Variants in DDI2 observed in about 807,000 individuals in gnomAD.
The protein encoded by DDI2 is protein DDI1 homolog 2.
A neutral mutation model predicts 48.1 loss-of-function variants in DDI2; 5 were observed. The ratio of observed to expected loss-of-function variants is 0.10; its 90% CI spans 0.05 to 0.22. DDI2 has a LOEUF of 0.22. Among genes scored for constraint, DDI2 ranks in the 10% least tolerant of loss-of-function variants. The pLI, the probability that DDI2 is intolerant of heterozygous loss-of-function variation, is 1.00. For synonymous variants in DDI2, 205 were observed against 183.6 expected, an observed-to-expected ratio of 1.12 and a Z score of -0.94; for missense variants, 285 against 506.2, an observed-to-expected ratio of 0.56 and a Z score of 4.19.
At position 15,626,761 on chromosome 1, in the gene DDI2, G is replaced by A. The variant is rs147524577; in HGVS notation, c.231G>A (p.Lys77=). The A allele has an allele frequency of 3.7e-6, 6 of 1,614,192 alleles. No individual in the cohort carries two copies. Among genetic ancestry groups the A allele is most frequent in the Non-Finnish European group, 5.1e-6 (6 of 1,180,038 alleles). ...GGGACGTTGTGATTTTACGACAGAAGGAGAATGCAGACCCTCGACCTCCAG... is the reference window on the plus strand; with the variant it reads ...GGGACGTTGTGATTTTACGACAGAAAGAGAATGCAGACCCTCGACCTCCAG... ...KDGDVVILRQ[K]ENADPRPPVQ... The change falls in exon 2 of 10, where the codon AAG becomes AAA. Residue 77 remains lysine (K), a synonymous_variant. Coordinates refer to ENST00000480945, the MANE Select transcript of DDI2 (RefSeq NM_032341.5).
chr1:15,638,143 G>GGAAAT (rs1188207573), intron 4 of DDI2, among the ~76,000 whole-genome samples, 164 bp from the exon 5 acceptor site: 1 of 152,078 alleles, frequency 6.6e-6, no homozygotes, highest in Non-Finnish European at 1.5e-5. Flanking sequence ...CTGCCTCTTT[G>GGAAAT]GAAATGATCT....
rs1249240823 is a variant in DDI2 at position 15,668,972 on chromosome 1, A to G, written c.*9182A>G. On this transcript the variant is annotated 3_prime_UTR_variant, in exon 10 of 10. Coordinates refer to ENST00000480945, the MANE Select transcript of DDI2 (RefSeq NM_032341.5). ...CTTTATTTTATTTTTCTTTTTTTAA[A>G]TAGGAACTTTCTGAAGAAAAAGTGG... 1 of 152,206 alleles carries G rather than the reference A, an allele frequency of 6.6e-6. No homozygotes were observed. Among genetic ancestry groups the G allele is most frequent in the East Asian group, 1.9e-4 (1 of 5,202 alleles). The allele number at this position is 152,206 out of a possible 1,614,324, so 9.4% of individuals were successfully genotyped here.
chr1:15,619,306 A>G (rs1018825323), intron 1 of DDI2, among the ~76,000 whole-genome samples: 6 of 150,096 alleles, frequency 4.0e-5, no homozygotes, highest in Admixed American at 1.3e-4. Flanking sequence ...ATTTTTTTTT[A>G]GTAGAGACGG....
intron 6 of DDI2, among the ~76,000 whole-genome samples, chr1:15,644,718 T>C (rs1341561240): frequency 7.0e-6 from 1 of 142,010 alleles, no homozygotes; most frequent in Non-Finnish European, 1.5e-5. Flanking sequence ...CTCAGCCTCC[T>C]GAGTAGCTGG....
rs767454817 is a variant in DDI2, at chr1:15,630,540, G to T, written c.484G>T (p.Ala162Ser). The T allele has an allele frequency of 1.2e-6, 2 of 1,613,782 alleles. No homozygotes were observed. Among genetic ancestry groups the T allele is most frequent in the African/African-American group, 1.3e-5 (1 of 75,060 alleles). The change falls in exon 3 of 10, where the codon GCT becomes TCT. Residue 162 changes from alanine to serine, a missense_variant. By Grantham distance (99) the Ala-to-Ser change is moderately conservative (BLOSUM62 1). Transcript: ENST00000480945. Reference protein sequence around the residue: ...LKERNPPLAEALLSGDLEKFS... With the variant: ...LKERNPPLAESLLSGDLEKFS... Reference sequence around the variant, plus strand: ...GGAACGCAATCCACCCCTGGCAGAAGCTCTGCTCAGTGGAGACCTTGGTAA... The same window carrying T: ...GGAACGCAATCCACCCCTGGCAGAATCTCTGCTCAGTGGAGACCTTGGTAA...
chr1:15,630,044 T>TA (rs1319178484), intron 2 of DDI2, among the ~76,000 whole-genome samples: 1 of 152,194 alleles, frequency 6.6e-6, no homozygotes, highest in African/African-American at 2.4e-5. Flanking sequence ...TTTAATGATT[T>TA]AAAAACATAA....
intron 3 of DDI2, 105 bp downstream of exon 3, chr1:15,630,666 G>A: frequency 2.5e-6 from 2 of 795,064 alleles, no homozygotes; most frequent in Non-Finnish European, 4.2e-6. Flanking sequence ...ATGATTTATT[G>A]AACATACCAG....
chr1:15,649,858 G>T (rs1640150908), intron 7 of DDI2, 35 bp downstream of exon 7: 3 of 1,580,094 alleles, frequency 1.9e-6, no homozygotes, highest in Non-Finnish European at 2.6e-6. Flanking sequence ...TTTTGCATCT[G>T]CTTTTTGTAA....
At chr1:15,651,454 G>T (rs139487997) in intron 7 of DDI2, among the ~76,000 whole-genome samples, 1 of 152,172 alleles carries the variant, frequency 6.6e-6, no homozygotes, top group African/African-American at 2.4e-5. Flanking sequence ...AAGTAGCTGC[G>T]ATTATGGGCA....
chr1:15,668,604 C>G lies in DDI2; in HGVS notation c.*8814C>G, dbSNP rs1175215273. On this transcript the variant is annotated 3_prime_UTR_variant, in exon 10 of 10. Coordinates refer to ENST00000480945, the MANE Select transcript of DDI2 (RefSeq NM_032341.5). ...GGCAAATCTTAGCAACTAGAAACCC[C>G]GTCCTTTCTTTTCCTTCTTTATATG... 6.6e-6 allele frequency: 1 copy of G among 152,158 alleles called. No individual in the cohort carries two copies. Among genetic ancestry groups the G allele is most frequent in the Middle Eastern group, 3.2e-3 (1 of 316 alleles). The allele number at this position is 152,158 out of a possible 1,614,324, so 9.4% of individuals were successfully genotyped here. A position where few individuals can be genotyped will look rare whatever the true frequency, so the allele number is the denominator to read the frequency against.
intron 2 of DDI2, 142 bp from the exon 3 acceptor site, chr1:15,630,183 A>T: frequency 1.3e-6 from 1 of 761,250 alleles, no homozygotes; most frequent in Non-Finnish European, 2.2e-6. Flanking sequence ...ATTCAGAGTC[A>T]TCATGAGAAA....
chr1:15,618,816 G>A (rs186807801), intron 1 of DDI2, among the ~76,000 whole-genome samples: 1 of 152,280 alleles, frequency 6.6e-6, no homozygotes, highest in African/African-American at 2.4e-5. Flanking sequence ...AAATTATAGA[G>A]GTCTCCCAAG....
intron 8 of DDI2, 64 bp from the exon 9 acceptor site, chr1:15,656,553 C>T (rs1459952180): frequency 9.9e-6 from 16 of 1,613,800 alleles, no homozygotes; most frequent in Non-Finnish European, 1.4e-5. Context: ...AAACTATAAC[C>T]CTGCATGCTG....
At position 15,667,672 on chromosome 1, in the gene DDI2, A is replaced by G. The variant is rs1481531460; in HGVS notation, c.*7882A>G. The G allele has an allele frequency of 6.6e-6, 1 of 152,252 alleles. No homozygotes were observed. The highest frequency in any genetic ancestry group is 6.5e-5 in the Admixed American group (1 of 15,286). 9.4% of individuals were successfully genotyped at this position (152,252 alleles called of 1,614,324 possible). ...CCAGGCCTGTCTACAGGACAGCTTCATCAAAGGGACATTTTTTAACCTGTT... is the reference window on the plus strand; with the variant it reads ...CCAGGCCTGTCTACAGGACAGCTTCGTCAAAGGGACATTTTTTAACCTGTT... On this transcript the variant is annotated 3_prime_UTR_variant, in exon 10 of 10. Transcript: ENST00000480945.
rs1640334868 is a variant in DDI2, at chr1:15,659,888, CAGATG to C, written c.*99_*103del. ...CTGGGAATGTCATCATTACCAACTT[CAGATG>C]GGTTTAACCATCCCGCCCGTTCTTC... On this transcript the variant is annotated 3_prime_UTR_variant, in exon 10 of 10. Transcript: ENST00000480945. 1.3e-6 allele frequency: 2 copies of C among 1,588,104 alleles called. No individual in the cohort carries two copies. Among genetic ancestry groups the C allele is most frequent in the Non-Finnish European group, 1.7e-6 (2 of 1,170,240 alleles).
intron 7 of DDI2, 27 bp from the exon 8 acceptor site, chr1:15,651,679 A>G (rs1394364950): frequency 8.2e-6 from 13 of 1,580,514 alleles, no homozygotes; most frequent in Admixed American, 3.8e-5. Context: ...TTTATCTGCT[A>G]TTATTCTTTG....
intron 5 of DDI2, among the ~76,000 whole-genome samples, chr1:15,641,590 T>A (rs774086938): frequency 3.9e-5 from 6 of 152,138 alleles, no homozygotes; most frequent in Non-Finnish European, 7.3e-5. Flanking sequence ...ACGGAGTGGT[T>A]TGGAAGCCAG....
Position 15,649,830 on chromosome 1 carries a change from A to G in DDI2, c.993+7A>G, listed in dbSNP as rs1217773960. ...CATGCTTAAACGGCACCAGGTAATT[A>G]AGAGCTTCACTTATTTTTTTTGCAT... On this transcript the variant is annotated splice_region_variant and intron_variant, in intron 7 of 9. Coordinates refer to ENST00000480945, the MANE Select transcript of DDI2 (RefSeq NM_032341.5). 1 of 1,604,210 alleles carries G rather than the reference A, an allele frequency of 6.2e-7. No homozygotes were observed. Among genetic ancestry groups the G allele is most frequent in the East Asian group, 2.2e-5 (1 of 44,580 alleles).
chr1:15,630,399 A>G lies in DDI2; in HGVS notation c.343A>G (p.Thr115Ala), dbSNP rs1157565702. ...SSPRQRQPPG[T>A]QQSHSSPGEI... is the part of the protein sequence containing the mutation. ...TCCCCGGCAGCGCCAGCCACCAGGA[A>G]CACAGCAGTCCCACTCATCTCCTGG... The change falls in exon 3 of 10, where the codon ACA becomes GCA. Residue 115 changes from threonine to alanine, a missense_variant. Transcript: ENST00000480945. 2 of 1,614,244 alleles carry G rather than the reference A, an allele frequency of 1.2e-6. No homozygotes were observed. Among genetic ancestry groups the G allele is most frequent in the East Asian group, 2.2e-5 (1 of 44,884 alleles).
Sources: gnomAD v4.1 joint callset for allele counts (sites outside exome capture counted in the v4.1 genomes callset) on GRCh38, gnomAD v4.1.1 for gene constraint, MANE v1.5 for transcripts, NCBI Gene and HGNC (gene_info 2026-07-23, HGNC 2026-07-21) for gene names.